DCT: variants seen among roughly 807,000 people sequenced by gnomAD.
DCT encodes dopachrome tautomerase.
In DCT, 47 loss-of-function variants were observed where a neutral mutation model predicts 53.0. That is an observed-to-expected ratio of 0.89 (90% CI 0.70 to 1.13). The LOEUF (loss-of-function observed/expected upper bound fraction) is 1.13. Ranked by LOEUF, DCT falls within the 50% of genes most tolerant of loss-of-function variation. DCT has a pLI of 0.00. For synonymous variants in DCT, 244 were observed against 237.0 expected, an observed-to-expected ratio of 1.03 and a Z score of -0.27; for missense variants, 669 against 637.4, an observed-to-expected ratio of 1.05 and a Z score of -0.53.
intron 1 of DCT, among the ~76,000 whole-genome samples, chr13:94,471,545 G>A (rs1328300437): frequency 6.6e-6 from 1 of 152,146 alleles, no homozygotes; most frequent in Non-Finnish European, 1.5e-5. Context: ...CTCATCAGAT[G>A]CTATGCAAGA....
chr13:94,532,021 A>G, the DCT span, among the ~76,000 whole-genome samples: 4 of 152,252 alleles, frequency 2.6e-5, no homozygotes, highest in Non-Finnish European at 4.4e-5. Flanking sequence ...TGCAGCCAAC[A>G]GACATATGAA....
chr13:94,454,803 T>C (rs1389489012), intron 6 of DCT, among the ~76,000 whole-genome samples: 1 of 152,232 alleles, frequency 6.6e-6, no homozygotes, highest in African/African-American at 2.4e-5. Context: ...CTGAATTGGC[T>C]TCAGCATAAA....
chr13:94,437,390 G>A lies in DCT; in HGVS notation c.*2508C>T, dbSNP rs1024052526. On this transcript the variant is annotated 3_prime_UTR_variant, in exon 8 of 8. Transcript: ENST00000377028. ...ATGAGATTAAAACTAGTCATTAAAA[G>A]TATTATAATTAACAATGTTAAATCC... 18 of 152,106 alleles carry A rather than the reference G, an allele frequency of 1.2e-4. No homozygotes were observed. Among genetic ancestry groups the A allele is most frequent in the African/African-American group, 3.9e-4 (16 of 41,432 alleles). The allele number at this position is 152,106 out of a possible 1,614,324, so 9.4% of individuals were successfully genotyped here.
Position 94,466,665 on chromosome 13 carries a change from C to G in DCT, c.596-7G>C. 6.4e-7 allele frequency: 1 copy of G among 1,573,710 alleles called. No individual in the cohort carries two copies. The highest frequency in any genetic ancestry group is 8.6e-7 in the Non-Finnish European group (1 of 1,156,856). On this transcript the variant is annotated splice_region_variant and splice_polypyrimidine_tract_variant and intron_variant, in intron 2 of 7. Transcript: ENST00000377028. ...CTGTAGGGGCGTCCTGGTCCTGAAACAATTGGGAAACATATTAGAGATGAC... is the reference window on the plus strand; with the variant it reads ...CTGTAGGGGCGTCCTGGTCCTGAAAGAATTGGGAAACATATTAGAGATGAC...
the DCT span, among the ~76,000 whole-genome samples, chr13:94,506,398 T>C: frequency 6.6e-6 from 1 of 152,054 alleles, no homozygotes; most frequent in Admixed American, 6.6e-5. Context: ...ATGAGGCAAG[T>C]CAAAAGGATA....
At chr13:94,447,063 A>G (rs1271445508) in intron 6 of DCT, among the ~76,000 whole-genome samples, 1 of 152,146 alleles carries the variant, frequency 6.6e-6, no homozygotes, top group South Asian at 2.1e-4. Flanking sequence ...ACAGATGGGG[A>G]ATAAAAGGCA....
chr13:94,525,954 C>G, the DCT span, among the ~76,000 whole-genome samples: 1 of 152,242 alleles, frequency 6.6e-6, no homozygotes, highest in Non-Finnish European at 1.5e-5. Flanking sequence ...GTAAACTGCT[C>G]TTCATTTAAG....
chr13:94,455,069 G>A (rs1053631430), intron 6 of DCT, among the ~76,000 whole-genome samples: 18 of 152,276 alleles, frequency 1.2e-4, no homozygotes, highest in Admixed American at 2.6e-4. Context: ...CCCTAAAGCA[G>A]AAGGAGAAAT....
At chr13:94,454,588 G>A (rs946559366) in intron 6 of DCT, among the ~76,000 whole-genome samples, 2 of 152,064 alleles carry the variant, frequency 1.3e-5, no homozygotes, top group African/African-American at 4.8e-5. Context: ...GCACTTTAAT[G>A]TTCTGCCTTC....
At chr13:94,505,722 C>G in the DCT span, among the ~76,000 whole-genome samples, 1 of 152,200 alleles carries the variant, frequency 6.6e-6, no homozygotes, top group African/African-American at 2.4e-5. Context: ...GTATAAAAAA[C>G]TTTGGTTTCC....
chr13:94,501,042 A>G, the DCT span, among the ~76,000 whole-genome samples: 1 of 152,024 alleles, frequency 6.6e-6, no homozygotes, highest in Non-Finnish European at 1.5e-5. Context: ...TGAGGCGGGC[A>G]GATCACGAGG....
At chr13:94,474,960 AT>A (rs1884979415) in intron 1 of DCT, among the ~76,000 whole-genome samples, 1 of 152,182 alleles carries the variant, frequency 6.6e-6, no homozygotes, top group Non-Finnish European at 1.5e-5. Context: ...ACTAATCTAC[AT>A]CTCTTCCTTG....
the DCT span, among the ~76,000 whole-genome samples, chr13:94,508,840 G>A: frequency 2.1e-4 from 32 of 152,330 alleles, no homozygotes; most frequent in African/African-American, 6.5e-4. Context: ...GGTCCCATGA[G>A]TGCTACAGAG....
chr13:94,462,045 A>T lies in DCT; in HGVS notation c.1008T>A (p.Asn336Lys). 1 of 1,613,106 alleles carries T rather than the reference A, an allele frequency of 6.2e-7. No homozygotes were observed. Among genetic ancestry groups the T allele is most frequent in the Admixed American group, 1.7e-5 (1 of 59,782 alleles). Residue 336 changes from asparagine to lysine, a missense_variant, in exon 5 of 8, where the codon AAT becomes AAA. By Grantham distance (94) the Asn-to-Lys change is moderately conservative. Transcript: ENST00000377028. ...AGGTAGAGTTCTGGAAGAAGGGAGG[A>T]TTGTCAAACTTCTGGAGAGACAGGC... ...RDCLSLQKFD[N>K]PPFFQNSTFS...
chr13:94,465,971 TATATATATATATATATATA>T (rs1566840506), intron 3 of DCT, among the ~76,000 whole-genome samples, 172 bp from the exon 4 acceptor site: 2 of 2,590 alleles, frequency 7.7e-4, no homozygotes, highest in East Asian at 5.6e-3. Context: ...GTATATTTTA[TATATATATATATATATATA>T]TATATATATA....
At chr13:94,465,973 TA>T (rs1884176933) in intron 3 of DCT, among the ~76,000 whole-genome samples, 174 bp from the exon 4 acceptor site, 1 of 4,422 alleles carries the variant, frequency 2.3e-4, no homozygotes, top group African/African-American at 1.0e-3. Flanking sequence ...ATATTTTATA[TA>T]TATATATATA....
the DCT span, among the ~76,000 whole-genome samples, chr13:94,535,276 T>G: frequency 6.6e-6 from 1 of 152,368 alleles, no homozygotes; most frequent in Non-Finnish European, 1.5e-5. Context: ...ATGGCATGTT[T>G]GACTAAATGA....
chr13:94,476,120 A>G (rs142841198), intron 1 of DCT, among the ~76,000 whole-genome samples: 1,577 of 149,582 alleles, frequency 0.011, 24 homozygotes, highest in African/African-American at 0.037. Context: ...TACAGCCTGG[A>G]CTTAAAGAAC....
the DCT span, among the ~76,000 whole-genome samples, chr13:94,499,920 C>T: frequency 6.6e-6 from 1 of 152,134 alleles, no homozygotes; most frequent in Non-Finnish European, 1.5e-5. Flanking sequence ...ATATTTAAGG[C>T]ATACAATAGG....
Sources: allele counts gnomAD v4.1 joint callset (sites outside exome capture counted in the v4.1 genomes callset), GRCh38; gene constraint gnomAD v4.1.1; transcripts MANE v1.5; gene names NCBI Gene and HGNC (gene_info 2026-07-23, HGNC 2026-07-21).